Variants in SCAF11 observed in about 807,000 individuals in gnomAD.
SCAF11 encodes the protein protein SCAF11.
A neutral mutation model predicts 140.5 loss-of-function variants in SCAF11; 47 were observed. That is an observed-to-expected ratio of 0.33 (90% confidence interval 0.26 to 0.43). The LOEUF (loss-of-function observed/expected upper bound fraction) is 0.43, where lower values mean the gene tolerates loss of function less well. SCAF11 is among the 20% of genes least tolerant of loss of function. The probability of loss-of-function intolerance (pLI) is 1.00; values close to 1 mark genes in which losing one functional copy is unlikely to be tolerated. For synonymous variants in SCAF11, 557 were observed against 579.4 expected (o/e 0.96, Z 0.55); for missense variants, 1,645 against 1,705.1 (o/e 0.96, Z 0.62).
intron 1 of SCAF11, among the ~76,000 whole-genome samples, chr12:45,988,225 G>C (rs958708050): frequency 4.3e-4 from 65 of 152,170 alleles, no homozygotes; most frequent in African/African-American, 1.5e-3. Flanking sequence ...AGCAGGGCTT[G>C]CTAAAGGGAA....
intron 4 of SCAF11, among the ~76,000 whole-genome samples, chr12:45,949,689 TAAC>T (rs2136572067): frequency 6.6e-6 from 1 of 152,210 alleles, no homozygotes; most frequent in South Asian, 2.1e-4. Flanking sequence ...GTGATTCCAT[TAAC>T]AACTGGGGCT....
rs939693138 is a variant in SCAF11, at chr12:45,980,429, T to C, written c.-22+9924A>G. Among the ~76,000 whole-genome samples, 85 of 152,300 alleles carry C rather than the reference T, an allele frequency of 5.6e-4. 1 individual carries two copies. The highest frequency in any genetic ancestry group is 2.0e-3 in the African/African-American group (83 of 41,572). ...TGATTCTAAACACACTTAGTCCCTCTCTCTACATATATTAACAAACCACTA... is the reference window on the plus strand; with the variant it reads ...TGATTCTAAACACACTTAGTCCCTCCCTCTACATATATTAACAAACCACTA... On this transcript the variant is annotated intron_variant, in intron 1 of 14. Transcript: ENST00000369367.
At chr12:45,931,250 T>C (rs1945038186) in intron 10 of SCAF11, 1 of 212,324 alleles carries the variant, frequency 4.7e-6, no homozygotes, top group Non-Finnish European at 9.3e-6. Flanking sequence ...TTCCTTCTTT[T>C]TGTGGCAGAA....
Position 45,924,832 on chromosome 12 carries a change from T to C in SCAF11, c.3802A>G (p.Thr1268Ala), listed in dbSNP as rs1485052457. ...AGTCCCTGAGATACACTGGTAGGAG[T>C]GGCTACCTGCATGAGGGGCACTCCT... is the stretch of plus-strand genomic sequence containing the variant. ...HTGVPLMQVA[T>A]PTSVSQGLPP... Residue 1268 changes from threonine (T) to alanine (A), a missense_variant, in exon 12 of 15, where the codon ACT (threonine) becomes GCT (alanine). Transcript: ENST00000369367. 6.2e-7 allele frequency: 1 copy of C among 1,613,116 alleles called. No homozygotes were observed. The highest frequency in any genetic ancestry group is 2.2e-5 in the East Asian group (1 of 44,826).
intron 1 of SCAF11, among the ~76,000 whole-genome samples, chr12:45,971,966 T>C (rs963940792): frequency 1.3e-5 from 2 of 152,094 alleles, no homozygotes; most frequent in African/African-American, 4.8e-5. Context: ...GAAAAGACTG[T>C]CCCAGGGATC....
At chr12:45,956,527 C>G (rs1467244718) in intron 3 of SCAF11, among the ~76,000 whole-genome samples, 1 of 152,180 alleles carries the variant, frequency 6.6e-6, no homozygotes, top group Non-Finnish European at 1.5e-5. Flanking sequence ...TCTTTCAAGA[C>G]AGTCTTTGTC....
intron 4 of SCAF11, among the ~76,000 whole-genome samples, chr12:45,949,350 A>G (rs1407589433): frequency 6.6e-6 from 1 of 152,192 alleles, no homozygotes; most frequent in Non-Finnish European, 1.5e-5. Context: ...ATAATTTTTT[A>G]AAAGAATGTA....
chr12:45,990,510 G>A lies in SCAF11; in HGVS notation c.-179C>T, dbSNP rs550924209. Reference sequence around the variant, plus strand: ...ACTGACTCCGCTGGCTCGGTCCGGAGGCGGCGGCGAAGCAGGGAGCGACCC... The same window carrying A: ...ACTGACTCCGCTGGCTCGGTCCGGAAGCGGCGGCGAAGCAGGGAGCGACCC... On this transcript the variant is annotated 5_prime_UTR_variant, in exon 1 of 15. Coordinates refer to ENST00000369367, the MANE Select transcript of SCAF11 (RefSeq NM_004719.3). The A allele has an allele frequency of 3.7e-5, 46 of 1,232,062 alleles. No homozygotes were observed. The South Asian group carries it at 5.8e-4, about 15-fold the overall frequency. 76.3% of individuals were successfully genotyped at this position (1,232,062 alleles called of 1,614,324 possible).
intron 6 of SCAF11, among the ~76,000 whole-genome samples, chr12:45,944,869 C>T (rs1945382782): frequency 6.6e-6 from 1 of 152,196 alleles, no homozygotes; most frequent in Non-Finnish European, 1.5e-5. Context: ...TACTTTCTTG[C>T]TGTCACAGTC....
rs1459034312 is a variant in SCAF11 at position 45,926,196 on chromosome 12, A to G, written c.3505T>C (p.Ser1169Pro). Residue 1169 changes from serine to proline, a missense_variant, in exon 11 of 15, where the codon TCT becomes CCT. Transcript: ENST00000369367. ...ATCCATCCAGACTGTGGACCTGAAG[A>G]ATTTCTGCCTCGTCGTGAGTAGTAG... is the stretch of plus-strand genomic sequence containing the variant. ...QNYYSRRGRN[S>P]SGPQSGWMKQ... 1 of 1,614,184 alleles carries G rather than the reference A, an allele frequency of 6.2e-7. No individual in the cohort carries two copies. The highest frequency in any genetic ancestry group is 8.5e-7 in the Non-Finnish European group (1 of 1,180,022).
chr12:45,958,255 T>C (rs1945745716), intron 3 of SCAF11, among the ~76,000 whole-genome samples: 2 of 152,332 alleles, frequency 1.3e-5, no homozygotes, highest in Middle Eastern at 3.4e-3. Context: ...TTGGAGATTA[T>C]CTTGTCTGTA....
At chr12:45,951,620 T>C (rs375299147) in intron 4 of SCAF11, 30 bp downstream of exon 4, 32 of 1,376,420 alleles carry the variant, frequency 2.3e-5, no homozygotes, top group Non-Finnish European at 3.2e-5. Context: ...AATTTTTATA[T>C]AATTCATGTT....
rs765761188 is a variant in SCAF11 at position 45,928,421 on chromosome 12, A to G, written c.1280T>C (p.Val427Ala). Reference protein sequence around the residue: ...PVLEKEHQPDVDSSNICTVQT... With the variant: ...PVLEKEHQPDADSSNICTVQT... ...CACAGTACAAATGTTACTACTGTCT[A>G]CATCTGGTTGGTGCTCTTTTTCTAA... Residue 427 changes from valine (V) to alanine (A), a missense_variant, in exon 11 of 15, where the codon GTA (valine) becomes GCA (alanine). By Grantham distance (64) the Val-to-Ala change is moderately conservative (BLOSUM62 0). This residue lies in a region of SCAF11 where 1,582 missense variants were observed against 1,609.2 expected (regional missense o/e 0.98). Coordinates refer to ENST00000369367, the MANE Select transcript of SCAF11 (RefSeq NM_004719.3). 6 of 1,612,996 alleles carry G rather than the reference A, an allele frequency of 3.7e-6. No homozygotes were observed. In the East Asian group the frequency reaches 1.3e-4, roughly 36 times the overall value.
chr12:45,944,814 G>T (rs1292693602), intron 6 of SCAF11, among the ~76,000 whole-genome samples: 3 of 152,202 alleles, frequency 2.0e-5, no homozygotes, highest in African/African-American at 7.2e-5. Context: ...CAAATTAGAA[G>T]TAAGGCTAGA....
At chr12:45,981,566 T>C (rs1321423212) in intron 1 of SCAF11, among the ~76,000 whole-genome samples, 2 of 152,168 alleles carry the variant, frequency 1.3e-5, no homozygotes, top group African/African-American at 2.4e-5. Context: ...TACGTTTTTG[T>C]TTTTTATCTC....
intron 1 of SCAF11, chr12:45,974,064 T>C: frequency 2.5e-6 from 1 of 397,184 alleles, no homozygotes; most frequent in South Asian, 2.0e-5. Flanking sequence ...AATAAAACAA[T>C]ATTGCAATAA....
intron 4 of SCAF11, among the ~76,000 whole-genome samples, chr12:45,949,260 A>G (rs938210663): frequency 8.5e-5 from 13 of 152,154 alleles, no homozygotes; most frequent in African/African-American, 2.7e-4. Context: ...ACATATGGCC[A>G]CTCAGTGCTT....
At chr12:45,969,411 A>G (rs1592214186) in intron 1 of SCAF11, among the ~76,000 whole-genome samples, 1 of 152,102 alleles carries the variant, frequency 6.6e-6, no homozygotes, top group Non-Finnish European at 1.5e-5. Context: ...GTTCACTTCA[A>G]AACTCCCTCT....
intron 1 of SCAF11, chr12:45,974,053 T>C: frequency 2.6e-6 from 1 of 386,840 alleles, no homozygotes; most frequent in South Asian, 2.0e-5. Context: ...CAGACCGGAG[T>C]AATAAAACAA....
Sources: gnomAD v4.1 joint callset for allele counts (sites outside exome capture counted in the v4.1 genomes callset) on GRCh38, gnomAD v4.1.1 for gene constraint, gnomAD v4.1.1 regional missense constraint, MANE v1.5 for transcripts, NCBI Gene and HGNC (gene_info 2026-07-23, HGNC 2026-07-21) for gene names.